Variants in TRIM67 observed in about 807,000 individuals in gnomAD.
The protein encoded by TRIM67 is tripartite motif containing 67.
Under a neutral mutation model 71.0 loss-of-function variants are expected in TRIM67, and 39 were observed. The ratio of observed to expected loss-of-function variants is 0.55; its 90% CI spans 0.43 to 0.72. TRIM67 has a LOEUF of 0.72. Ranked by LOEUF, TRIM67 falls within the 30% of genes least tolerant of loss-of-function variation. The pLI is 0.00. For missense variants in TRIM67, 973 were observed against 1,079.2 expected (o/e 0.90, Z 1.38); for synonymous variants, 481 against 473.9 (o/e 1.01, Z -0.19).
At chr1:231,177,595 T>C (rs1682789535) in intron 1 of TRIM67, among the ~76,000 whole-genome samples, 2 of 152,230 alleles carry the variant, frequency 1.3e-5, no homozygotes, top group African/African-American at 4.8e-5. Context: ...CAATTATACT[T>C]TCCTGCCAAA....
intron 1 of TRIM67, among the ~76,000 whole-genome samples, chr1:231,182,009 TGGCCAGTGACAAATGAG>T (rs1682919398): frequency 6.6e-6 from 1 of 152,220 alleles, no homozygotes; most frequent in Non-Finnish European, 1.5e-5. Flanking sequence ...TATCTTCACA[TGGCCAGTGACAAATGAG>T]GGCCTTGCTC....
intron 1 of TRIM67, among the ~76,000 whole-genome samples, chr1:231,169,061 T>G (rs567183949): frequency 7.7e-6 from 1 of 129,662 alleles, no homozygotes; most frequent in East Asian, 3.5e-4. Flanking sequence ...ATATTTTTTT[T>G]TATTTTTATT....
chr1:231,176,335 A>G (rs913613319), intron 1 of TRIM67, among the ~76,000 whole-genome samples: 1 of 152,198 alleles, frequency 6.6e-6, no homozygotes, highest in East Asian at 1.9e-4. Flanking sequence ...ATGTGAATAA[A>G]CAGATGGAGG....
chr1:231,185,045 G>A (rs527495050), intron 1 of TRIM67: 2 of 1,533,034 alleles, frequency 1.3e-6, no homozygotes, highest in African/African-American at 2.8e-5. Flanking sequence ...GCCTAGGCTA[G>A]TGTGGAGCTG....
chr1:231,219,473 C>A lies in TRIM67; in HGVS notation c.*4033C>A. ...AAAGCTGCCAGCCTTTATCTTGATA[C>A]CCAAGCCCAGGATTTTCCATGTGTC... On this transcript the variant is annotated 3_prime_UTR_variant, in exon 10 of 10. Coordinates refer to ENST00000366653, the MANE Select transcript of TRIM67 (RefSeq NM_001004342.5). 1 of 1,052,780 alleles carries A rather than the reference C, an allele frequency of 9.5e-7. No homozygotes were observed. The highest frequency in any genetic ancestry group is 1.1e-6 in the Non-Finnish European group (1 of 871,414). 65.2% of individuals were successfully genotyped at this position (1,052,780 alleles called of 1,614,324 possible). A position where few individuals can be genotyped will look rare whatever the true frequency, so the allele number is the denominator to read the frequency against.
chr1:231,180,347 C>T (rs1682865740), intron 1 of TRIM67, among the ~76,000 whole-genome samples: 1 of 152,112 alleles, frequency 6.6e-6, no homozygotes, highest in South Asian at 2.1e-4. Context: ...ATCTTATTAT[C>T]TCTTTAAGAT....
intron 1 of TRIM67, among the ~76,000 whole-genome samples, chr1:231,166,104 A>T (rs371011523): frequency 1.3e-5 from 2 of 152,240 alleles, no homozygotes; most frequent in South Asian, 2.1e-4. Flanking sequence ...ATGCAAAGTT[A>T]TGAGGAAATT....
chr1:231,168,305 T>C (rs536074410), intron 1 of TRIM67, among the ~76,000 whole-genome samples: 7 of 152,388 alleles, frequency 4.6e-5, no homozygotes, highest in Admixed American at 3.9e-4. Flanking sequence ...CTGCCTGCCA[T>C]TTCATCATAG....
intron 1 of TRIM67, among the ~76,000 whole-genome samples, chr1:231,175,765 A>T (rs1682731349): frequency 6.6e-6 from 1 of 152,274 alleles, no homozygotes; most frequent in African/African-American, 2.4e-5. Flanking sequence ...GAGAAACACC[A>T]GAAACCCATG....
chr1:231,216,154 C>T lies in TRIM67; in HGVS notation c.*714C>T. The T allele has an allele frequency of 1.0e-6, 1 of 973,762 alleles. No homozygotes were observed. Among genetic ancestry groups the T allele is most frequent in the East Asian group, 1.1e-4 (1 of 8,740 alleles). The allele number at this position is 973,762 out of a possible 1,614,324, so 60.3% of individuals were successfully genotyped here. On this transcript the variant is annotated 3_prime_UTR_variant, in exon 10 of 10. Transcript: ENST00000366653. ...TCATTTCTTCTCCCTCCCTCCTTCT[C>T]TTTCTCTCTTCTTCTCTCTCTCCTT... is the stretch of plus-strand genomic sequence containing the variant.
At chr1:231,197,949 C>T (rs1683412791) in intron 2 of TRIM67, among the ~76,000 whole-genome samples, 1 of 152,180 alleles carries the variant, frequency 6.6e-6, no homozygotes, top group African/African-American at 2.4e-5. Context: ...TTTATGTGTC[C>T]TACCCTATAG....
At chr1:231,203,143 C>T (rs1250262874) in intron 5 of TRIM67, among the ~76,000 whole-genome samples, 1 of 150,656 alleles carries the variant, frequency 6.6e-6, no homozygotes, top group African/African-American at 2.5e-5. Context: ...TTCAATTTTC[C>T]CTTAAAAATA....
chr1:231,216,166 TTC>T lies in TRIM67; in HGVS notation c.*735_*736del, dbSNP rs537961189. 146 of 960,590 alleles carry T rather than the reference TTC, an allele frequency of 1.5e-4. No homozygotes were observed. The highest frequency in any genetic ancestry group is 1.4e-3 in the South Asian group (29 of 20,768). 59.5% of individuals were successfully genotyped at this position (960,590 alleles called of 1,614,324 possible). A position where few individuals can be genotyped will look rare whatever the true frequency, so the allele number is the denominator to read the frequency against. ...CCTCCCTCCTTCTCTTTCTCTCTTC[TTC>T]TCTCTCTCCTTCCTTCCCTCCTTTG... On this transcript the variant is annotated 3_prime_UTR_variant, in exon 10 of 10. Transcript: ENST00000366653.
At chr1:231,207,662 G>A (rs1683742501) in intron 7 of TRIM67, among the ~76,000 whole-genome samples, 1 of 152,170 alleles carries the variant, frequency 6.6e-6, no homozygotes. Context: ...GTAGGAGCAT[G>A]AGCAGATGCT....
intron 1 of TRIM67, among the ~76,000 whole-genome samples, chr1:231,195,210 G>T (rs60289905): frequency 1.4e-4 from 22 of 152,208 alleles, no homozygotes; most frequent in Non-Finnish European, 2.8e-4. Context: ...GTGACCTGTA[G>T]GTTATCAGAT....
rs867452695 is a variant in TRIM67, at chr1:231,217,264, G to A, written c.*1824G>A. 3.8e-5 allele frequency: 37 copies of A among 986,010 alleles called. No homozygotes were observed. Among genetic ancestry groups the A allele is most frequent in the East Asian group, 2.3e-4 (2 of 8,812 alleles). 61.1% of individuals were successfully genotyped at this position (986,010 alleles called of 1,614,324 possible). On this transcript the variant is annotated 3_prime_UTR_variant, in exon 10 of 10. Transcript: ENST00000366653. ...GGTGCTGTGTTGCAGTCTCTGCTGC[G>A]GAGCCTGGGAGCTATCTGCTTCATG...
chr1:231,200,567 C>T (rs993380000), intron 4 of TRIM67, among the ~76,000 whole-genome samples: 3 of 152,192 alleles, frequency 2.0e-5, no homozygotes, highest in African/African-American at 7.2e-5. Context: ...CCAGAAGAAG[C>T]AAGTTAGCAG....
chr1:231,187,364 C>T (rs1182518554), intron 1 of TRIM67, among the ~76,000 whole-genome samples: 8 of 152,098 alleles, frequency 5.3e-5, no homozygotes, highest in African/African-American at 1.9e-4. Flanking sequence ...AAGTCAATTT[C>T]TCTGCTTACC....
In TRIM67 at chr1:231,216,152, CTCTT is replaced by C. The variant is rs1684008142; in HGVS notation, c.*716_*719del. 1 of 973,190 alleles carries C rather than the reference CTCTT, an allele frequency of 1.0e-6. No homozygotes were observed. The highest frequency in any genetic ancestry group is 1.1e-4 in the East Asian group (1 of 8,730). 60.3% of individuals were successfully genotyped at this position (973,190 alleles called of 1,614,324 possible). On this transcript the variant is annotated 3_prime_UTR_variant, in exon 10 of 10. Transcript: ENST00000366653. ...CTTCATTTCTTCTCCCTCCCTCCTT[CTCTT>C]TCTCTCTTCTTCTCTCTCTCCTTCC...
Sources: allele counts gnomAD v4.1 joint callset (sites outside exome capture counted in the v4.1 genomes callset), GRCh38; gene constraint gnomAD v4.1.1; transcripts MANE v1.5; gene names NCBI Gene and HGNC (gene_info 2026-07-23, HGNC 2026-07-21).